The following MEST variants were observed in gnomAD, a reference collection of about 807,000 sequenced individuals.
MEST encodes the protein mesoderm-specific transcript homolog protein.
MEST carries 18 observed loss-of-function variants against 50.9 expected under a neutral mutation model. The ratio of observed to expected loss-of-function variants is 0.35; its 90% CI spans 0.24 to 0.52. MEST has a LOEUF of 0.52. Ranked by LOEUF, MEST falls within the 20% of genes least tolerant of loss-of-function variation. The probability of loss-of-function intolerance (pLI) is 0.94; values close to 1 mark genes in which losing one functional copy is unlikely to be tolerated. For synonymous variants in MEST, 130 were observed against 154.1 expected (o/e 0.84, Z 1.16); for missense variants, 282 against 425.3 (o/e 0.66, Z 2.96).
chr7:130,494,172 T>C (rs1286260476), intron 1 of MEST, among the ~76,000 whole-genome samples: 2 of 152,214 alleles, frequency 1.3e-5, no homozygotes, highest in East Asian at 3.8e-4. Context: ...GGGGGAAAAG[T>C]ATCTTGTAAG....
chr7:130,503,946 T>C lies in MEST; in HGVS notation c.840T>C (p.Tyr280=), dbSNP rs369424616. The change falls in exon 11 of 12, where the codon TAT becomes TAC. Residue 280 remains tyrosine (Y), a synonymous_variant. Coordinates refer to ENST00000223215, the MANE Select transcript of MEST (RefSeq NM_002402.4). The part of the protein sequence containing the change: ...ASVTIPIHFI[Y]GPLDPVNPYP... ...TCTCTTTTCTAGTTCATTTTATCTATGGGCCATTGGATCCTGTAAATCCCT... is the reference window on the plus strand; with the variant it reads ...TCTCTTTTCTAGTTCATTTTATCTACGGGCCATTGGATCCTGTAAATCCCT... 12 of 1,613,102 alleles carry C rather than the reference T, an allele frequency of 7.4e-6. No individual in the cohort carries two copies. The African/African-American group carries it at 1.1e-4, about 14-fold the overall frequency.
At chr7:130,499,756 C>A in intron 6 of MEST, 119 bp from the exon 7 acceptor site, 2 of 722,400 alleles carry the variant, frequency 2.8e-6, no homozygotes, top group Non-Finnish European at 4.5e-6. Context: ...CTTTGGGAGG[C>A]TGAGGTGAGA....
chr7:130,487,250 G>A (rs1414827971), upstream of MEST: 1 of 152,168 alleles, frequency 6.6e-6, no homozygotes, highest in Non-Finnish European at 1.5e-5. Flanking sequence ...GATGATATAT[G>A]TGAAAGGGTA....
Position 130,500,443 on chromosome 7 carries a change from T to G in MEST, c.577-19T>G. ...TTCCTCTGGGTTCTTGAGCTTTACC[T>G]CCACTTATTCCCCTCCAGCTACTCA... On this transcript the variant is annotated intron_variant, in intron 7 of 11. Coordinates refer to ENST00000223215, the MANE Select transcript of MEST (RefSeq NM_002402.4). This position sits in a 1 kb window ranked among gnomAD's most constrained non-coding sequence, Gnocchi z 5.0. 1 of 1,610,762 alleles carries G rather than the reference T, an allele frequency of 6.2e-7. No individual in the cohort carries two copies. Among genetic ancestry groups the G allele is most frequent in the Non-Finnish European group, 8.5e-7 (1 of 1,177,840 alleles).
chr7:130,492,479 G>A lies in MEST; in HGVS notation c.26+140G>A. ...TACCGACAGGCGGCACGCATTCCGCGCCCGCTCTGCCTACTTGAGGAGGGG... is the reference window on the plus strand; with the variant it reads ...TACCGACAGGCGGCACGCATTCCGCACCCGCTCTGCCTACTTGAGGAGGGG... On this transcript the variant is annotated intron_variant, in intron 1 of 11. Transcript: ENST00000223215. This position sits in a 1 kb window ranked among gnomAD's most constrained non-coding sequence, Gnocchi z 7.6. 2 of 620,076 alleles carry A rather than the reference G, an allele frequency of 3.2e-6. No individual in the cohort carries two copies. Among genetic ancestry groups the A allele is most frequent in the South Asian group, 7.9e-5 (1 of 12,676 alleles). The allele number at this position is 620,076 out of a possible 1,614,324, so 38.4% of individuals were successfully genotyped here. A position where few individuals can be genotyped will look rare whatever the true frequency, so the allele number is the denominator to read the frequency against.
chr7:130,502,516 C>T (rs1266908116), intron 9 of MEST, 128 bp from the exon 10 acceptor site: 2 of 677,894 alleles, frequency 3.0e-6, no homozygotes, highest in Non-Finnish European at 5.1e-6. Context: ...TGGGACATTT[C>T]CAGGAATGCT....
At chr7:130,502,577 A>C in intron 9 of MEST, 67 bp from the exon 10 acceptor site, 1 of 1,185,644 alleles carries the variant, frequency 8.4e-7, no homozygotes, top group African/African-American at 1.5e-5. Flanking sequence ...GTGGCTCGTT[A>C]TGCCCTTGAA....
rs1322026885 is a variant in MEST, at chr7:130,498,744, A to C, written c.535+267A>C. Reference sequence around the variant, plus strand: ...GTCAATAAAAAGCTGCATTATAGTCACATGTGCTTTTTCAATGCATTAGAT... The same window carrying C: ...GTCAATAAAAAGCTGCATTATAGTCCCATGTGCTTTTTCAATGCATTAGAT... On this transcript the variant is annotated intron_variant, in intron 6 of 11. Coordinates refer to ENST00000223215, the MANE Select transcript of MEST (RefSeq NM_002402.4). 5.5e-6 allele frequency: 3 copies of C among 550,120 alleles called. No individual in the cohort carries two copies. In the African/African-American group the frequency reaches 5.7e-5, roughly 10 times the overall value. The allele number at this position is 550,120 out of a possible 1,614,324, so 34.1% of individuals were successfully genotyped here.
At chr7:130,502,884 G>A (rs920352901) in intron 10 of MEST, among the ~76,000 whole-genome samples, 164 bp downstream of exon 10, 3 of 152,106 alleles carry the variant, frequency 2.0e-5, no homozygotes, top group Non-Finnish European at 4.4e-5. Context: ...TAGTATTTAA[G>A]TATATGTTGT....
Position 130,497,787 on chromosome 7 carries a change from C to A in MEST, c.262-149C>A. 1.4e-6 allele frequency: 1 copy of A among 709,858 alleles called. No individual in the cohort carries two copies. The highest frequency in any genetic ancestry group is 2.2e-5 in the Admixed American group (1 of 44,868). The allele number at this position is 709,858 out of a possible 1,614,324, so 44.0% of individuals were successfully genotyped here. ...GGAATAAAGCATTTTCCAAGAGGAT[C>A]ATCTGTGGGACCTGTGGTAGTTTCA... On this transcript the variant is annotated intron_variant, in intron 3 of 11. Transcript: ENST00000223215. The surrounding 1 kb of genome is among the most constrained non-coding windows in gnomAD (Gnocchi z 4.0).
intron 9 of MEST, among the ~76,000 whole-genome samples, chr7:130,501,975 A>G (rs1799290464): frequency 6.8e-6 from 1 of 147,478 alleles, no homozygotes; most frequent in Non-Finnish European, 1.5e-5. Flanking sequence ...GCACAGAGTG[A>G]GACTCCGTCT....
intron 10 of MEST, 23 bp downstream of exon 10, chr7:130,502,743 T>A (rs533700723): frequency 1.3e-6 from 2 of 1,573,792 alleles, no homozygotes; most frequent in South Asian, 2.2e-5. Flanking sequence ...GTATTATTGA[T>A]AGGAAACTGA....
chr7:130,495,316 G>C, intron 1 of MEST, 52 bp from the exon 2 acceptor site: 5 of 1,539,624 alleles, frequency 3.2e-6, no homozygotes, highest in Middle Eastern at 1.7e-4. Flanking sequence ...GTTTGTAGAT[G>C]AGTGGACAAT....
At chr7:130,489,154 T>G (rs1220348994), upstream of MEST, 5 of 152,202 alleles carry the variant, frequency 3.3e-5, no homozygotes, top group African/African-American at 1.2e-4. Context: ...GCTGATCCCA[T>G]ACCACTGTTG....
chr7:130,495,463 A>G lies in MEST; in HGVS notation c.122A>G (p.His41Arg), dbSNP rs1554436559. 1 of 1,613,764 alleles carries G rather than the reference A, an allele frequency of 6.2e-7. No homozygotes were observed. The highest frequency in any genetic ancestry group is 8.5e-7 in the Non-Finnish European group (1 of 1,179,920). The change falls in exon 2 of 12, where the codon CAC (histidine) becomes CGC (arginine). Residue 41 changes from histidine (H) to arginine (R), a missense_variant. Physicochemically the swap from His to Arg is conservative, Grantham distance 29 (BLOSUM62 0). Transcript: ENST00000223215. ...IPPPQLSPAL[H>R]SWKSSGKFFT... ...CCCCCTCAGCTCTCCCCTGCCCTTC[A>G]CTCATGGAAGTCTTCAGGCAAGTTT...
chr7:130,498,268 CTCTACAGGT>C lies in MEST; in HGVS notation c.470_476+2del. 1.2e-6 allele frequency: 2 copies of C among 1,614,116 alleles called. No individual in the cohort carries two copies. Among genetic ancestry groups the C allele is most frequent in the Non-Finnish European group, 1.7e-6 (2 of 1,180,002 alleles). The stretch of plus-strand genomic sequence containing the variant: ...TGGAGATATTGTTGCTCAGGAGCTT[CTCTACAGGT>C]CAGTGGAGCTTCAGACTTCAGCTTA... On this transcript the variant is annotated splice_donor_variant and coding_sequence_variant, in exon 5 of 12. Transcript: ENST00000223215. LOFTEE classifies it high-confidence loss of function.
chr7:130,490,125 A>G (rs1344900888), upstream of MEST, among the ~76,000 whole-genome samples: 1 of 152,242 alleles, frequency 6.6e-6, no homozygotes, highest in Admixed American at 6.5e-5. Context: ...TTTGCAGAGT[A>G]ATTCAGTCTT....
At chr7:130,502,941 T>G (rs1799331176) in intron 10 of MEST, among the ~76,000 whole-genome samples, 1 of 152,226 alleles carries the variant, frequency 6.6e-6, no homozygotes, top group African/African-American at 2.4e-5. Context: ...ATTTTTCACC[T>G]GAAATTCAAA....
Position 130,497,276 on chromosome 7 carries a change from A to T in MEST, c.261+41A>T. 6.3e-7 allele frequency: 1 copy of T among 1,574,814 alleles called. No homozygotes were observed. The highest frequency in any genetic ancestry group is 8.7e-7 in the Non-Finnish European group (1 of 1,152,130). On this transcript the variant is annotated intron_variant, in intron 3 of 11. Transcript: ENST00000223215. This position sits in a 1 kb window ranked among gnomAD's most constrained non-coding sequence, Gnocchi z 4.0. ...TTCTACGTCCTACTATGTCTTAAAA[A>T]ATCTCGGCCGGGCGCGGGGGCTCAA...
Sources: gnomAD v4.1 joint callset for allele counts (sites outside exome capture counted in the v4.1 genomes callset) on GRCh38, gnomAD v4.1.1 for gene constraint, Gnocchi (gnomAD v3.1) non-coding constraint, MANE v1.5 for transcripts, NCBI Gene and HGNC (gene_info 2026-07-23, HGNC 2026-07-21) for gene names.